PTPRD: variants seen among roughly 807,000 people sequenced by gnomAD.
PTPRD encodes the protein protein tyrosine phosphatase receptor type D, also known as receptor-type tyrosine-protein phosphatase delta.
Under a neutral mutation model 214.5 loss-of-function variants are expected in PTPRD, and 34 were observed. The ratio of observed to expected loss-of-function variants is 0.16; its 90% confidence interval spans 0.12 to 0.21. The LOEUF is 0.21. Ranked by LOEUF, PTPRD falls within the 10% of genes least tolerant of loss-of-function variation. PTPRD has a pLI of 1.00. For missense variants in PTPRD, 2,545 were observed against 2,398.7 expected (o/e 1.06, Z -1.27); for synonymous variants, 1,128 against 845.7 (o/e 1.33, Z -5.79).
intron 5 of PTPRD, among the ~76,000 whole-genome samples, chr9:9,773,708 C>A (rs1403716859): frequency 6.6e-6 from 1 of 151,896 alleles, no homozygotes; most frequent in African/African-American, 2.4e-5. Context: ...TAAAAGGCAC[C>A]TGGTCATGAA....
chr9:8,682,145 G>C (rs2097563353), intron 12 of PTPRD, among the ~76,000 whole-genome samples: 1 of 152,154 alleles, frequency 6.6e-6, no homozygotes, highest in Non-Finnish European at 1.5e-5. Context: ...CACACAATGT[G>C]CAGAATGTAT....
chr9:10,271,488 T>C (rs982786232), intron 3 of PTPRD, among the ~76,000 whole-genome samples: 5 of 151,686 alleles, frequency 3.3e-5, no homozygotes, highest in Non-Finnish European at 7.4e-5. Context: ...TGTTTTCTTA[T>C]AAATTAATAA....
intron 11 of PTPRD, among the ~76,000 whole-genome samples, chr9:8,852,513 G>A (rs957694708): frequency 6.6e-6 from 1 of 152,190 alleles, no homozygotes; most frequent in Non-Finnish European, 1.5e-5. Flanking sequence ...CCAAAGTGGG[G>A]ACCTGCCACG....
At chr9:8,378,405 G>C (rs547019973) in intron 37 of PTPRD, among the ~76,000 whole-genome samples, 1 of 151,580 alleles carries the variant, frequency 6.6e-6, no homozygotes, top group East Asian at 2.0e-4. Flanking sequence ...CACTACTTCA[G>C]CAGTCATGAT....
chr9:8,460,329 C>T (rs751952155), intron 33 of PTPRD, 82 bp downstream of exon 33: 3 of 1,532,756 alleles, frequency 2.0e-6, no homozygotes, highest in Non-Finnish European at 2.7e-6. Context: ...AAATCAACCA[C>T]CTAAGGACAG....
intron 2 of PTPRD, among the ~76,000 whole-genome samples, chr9:10,347,353 C>T (rs893269255): frequency 1.7e-4 from 25 of 150,898 alleles, no homozygotes; most frequent in African/African-American, 6.1e-4. Context: ...ATTTAATTCA[C>T]TAGCATACTT....
chr9:9,661,603 T>A (rs939563583), intron 7 of PTPRD, among the ~76,000 whole-genome samples: 2 of 151,868 alleles, frequency 1.3e-5, no homozygotes, highest in Non-Finnish European at 2.9e-5. Flanking sequence ...TGTCTTTCCA[T>A]CACTGCAAGC....
At chr9:9,003,400 A>C (rs2154356624) in intron 11 of PTPRD, among the ~76,000 whole-genome samples, 1 of 152,060 alleles carries the variant, frequency 6.6e-6, no homozygotes, top group South Asian at 2.1e-4. Context: ...GCTGGCCCCA[A>C]CTATTAAAAT....
chr9:9,628,826 G>A (rs2095500192), intron 7 of PTPRD, among the ~76,000 whole-genome samples: 1 of 151,488 alleles, frequency 6.6e-6, no homozygotes, highest in Non-Finnish European at 1.5e-5. Flanking sequence ...CTGATTTGAT[G>A]TACATCAAAT....
chr9:9,181,415 G>T (rs970292535), intron 10 of PTPRD, among the ~76,000 whole-genome samples: 6 of 151,738 alleles, frequency 4.0e-5, no homozygotes, highest in African/African-American at 1.2e-4. Flanking sequence ...AAAATATGCT[G>T]CCTGTTTCCA....
intron 11 of PTPRD, among the ~76,000 whole-genome samples, chr9:8,738,827 T>C (rs1009154547): frequency 6.6e-6 from 1 of 152,176 alleles, no homozygotes; most frequent in Non-Finnish European, 1.5e-5. Context: ...ATTGTTTATC[T>C]CTGAACATTT....
chr9:9,432,385 C>T (rs767033450), intron 8 of PTPRD, among the ~76,000 whole-genome samples: 1 of 151,832 alleles, frequency 6.6e-6, no homozygotes, highest in Non-Finnish European at 1.5e-5. Flanking sequence ...ATATGGTGAG[C>T]CAAAGGAACT....
Position 9,477,547 on chromosome 9 carries a change from A to C in PTPRD, c.-236-80065T>G, listed in dbSNP as rs7468723. On this transcript the variant is annotated intron_variant, in intron 8 of 45. Coordinates refer to ENST00000381196, the MANE Select transcript of PTPRD (RefSeq NM_002839.4). ...CCACACATTATTTATTTTACTATCC[A>C]TATCACTGATATGAGGCTGGTGTTT... 2.6e-5 allele frequency among the ~76,000 whole-genome samples: 4 copies of C among 152,070 alleles called. No homozygotes were observed. The East Asian group carries it at 7.7e-4, about 29-fold the overall frequency.
chr9:8,616,949 A>C (rs1408947169), intron 14 of PTPRD, among the ~76,000 whole-genome samples: 2 of 152,142 alleles, frequency 1.3e-5, no homozygotes, highest in Non-Finnish European at 2.9e-5. Flanking sequence ...ATAGAAGTTC[A>C]GTTGGTAGTG....
At chr9:8,374,113 TC>T (rs2082490457) in intron 39 of PTPRD, among the ~76,000 whole-genome samples, 1 of 123,870 alleles carries the variant, frequency 8.1e-6, no homozygotes, top group Admixed American at 9.1e-5. Flanking sequence ...TACACACGTG[TC>T]TGTGTGTGTG....
At chr9:9,628,525 T>C (rs962493801) in intron 7 of PTPRD, among the ~76,000 whole-genome samples, 10 of 152,138 alleles carry the variant, frequency 6.6e-5, no homozygotes, top group African/African-American at 2.4e-4. Context: ...CTACACAGAG[T>C]TCCTAGAACA....
intron 11 of PTPRD, among the ~76,000 whole-genome samples, chr9:9,017,894 C>T (rs2099543003): frequency 6.6e-6 from 1 of 152,066 alleles, no homozygotes; most frequent in Non-Finnish European, 1.5e-5. Flanking sequence ...CTCTTAGGCA[C>T]TATTTATTGA....
chr9:8,673,712 G>A (rs1052163949), intron 12 of PTPRD, among the ~76,000 whole-genome samples: 1 of 152,114 alleles, frequency 6.6e-6, no homozygotes, highest in Admixed American at 6.5e-5. Context: ...AGCAGCACCA[G>A]TATTTTTTAA....
chr9:8,842,179 T>C (rs946808195), intron 11 of PTPRD, among the ~76,000 whole-genome samples: 1 of 151,962 alleles, frequency 6.6e-6, no homozygotes, highest in African/African-American at 2.4e-5. Context: ...TGACGCTCCC[T>C]GTAGGAGGTG....
Sources: gnomAD v4.1 joint callset for allele counts (sites outside exome capture counted in the v4.1 genomes callset) on GRCh38, gnomAD v4.1.1 for gene constraint, MANE v1.5 for transcripts, NCBI Gene and HGNC (gene_info 2026-07-23, HGNC 2026-07-21) for gene names.